The following PAPOLA variants were observed in gnomAD, a reference collection of about 807,000 sequenced individuals.
The protein encoded by PAPOLA is polynucleotide adenylyltransferase alpha.
In PAPOLA, 15 loss-of-function variants were observed where a neutral mutation model predicts 100.6. That is an observed-to-expected ratio of 0.15 (90% CI 0.10 to 0.23). The LOEUF (loss-of-function observed/expected upper bound fraction) is 0.23, where lower values mean the gene tolerates loss of function less well. PAPOLA is among the 10% of genes least tolerant of loss of function. The pLI is 1.00. For synonymous variants in PAPOLA, 293 were observed against 300.0 expected, an observed-to-expected ratio of 0.98 and a Z score of 0.24; for missense variants, 533 against 884.2, an observed-to-expected ratio of 0.60 and a Z score of 5.04.
Position 96,552,573 on chromosome 14 carries a change from A to C in PAPOLA, c.1615A>C (p.Thr539Pro). 6.2e-7 allele frequency: 1 copy of C among 1,614,100 alleles called. No individual in the cohort carries two copies. The highest frequency in any genetic ancestry group is 1.1e-5 in the South Asian group (1 of 91,082). ...SDNSMSVPSPTSATKTSPLNS... is the reference protein window; with the variant it reads ...SDNSMSVPSPPSATKTSPLNS... ...TAACAGCATGTCTGTGCCTTCACCT[A>C]CTAGTGCTACGAAGACCAGTCCATT... is the stretch of plus-strand genomic sequence containing the variant. The change falls in exon 17 of 22, where the codon ACT becomes CCT. Residue 539 changes from threonine to proline, a missense_variant. Thr to Pro is a conservative substitution (Grantham distance 38). Transcript: ENST00000216277.
chr14:96,565,910 C>G lies in PAPOLA; in HGVS notation c.*860C>G, dbSNP rs77502443. 1,134 of 398,516 alleles carry G rather than the reference C, an allele frequency of 2.8e-3. 20 individuals carry two copies. The East Asian group carries it at 0.037, about 13-fold the overall frequency. The allele number at this position is 398,516 out of a possible 1,614,324, so 24.7% of individuals were successfully genotyped here. ...TTTTGCTTGTATGCACAAGGTAGGA[C>G]TTACTTCGTAAGAAACAAAATGCCA... On this transcript the variant is annotated 3_prime_UTR_variant, in exon 22 of 22. Coordinates refer to ENST00000216277, the MANE Select transcript of PAPOLA (RefSeq NM_032632.5).
chr14:96,537,249 T>G (rs1899614319), intron 12 of PAPOLA, 189 bp downstream of exon 12: 3 of 562,484 alleles, frequency 5.3e-6, no homozygotes, highest in African/African-American at 3.8e-5. Context: ...GCCCCTTTGA[T>G]TTTTCTGCCC....
At chr14:96,528,544 A>G (rs1898697845) in intron 6 of PAPOLA, among the ~76,000 whole-genome samples, 3 of 152,348 alleles carry the variant, frequency 2.0e-5, no homozygotes, top group Admixed American at 6.5e-5. Context: ...GCTGTACAGA[A>G]TGGTACTGGA....
rs1326449221 is a variant in PAPOLA at position 96,533,391 on chromosome 14, A to G, written c.836+742A>G. ...GTTCTTTTCTAGTAATTTTATAAAAATTAGTTATTTGAGACAATTTAGAGC... is the reference window on the plus strand; with the variant it reads ...GTTCTTTTCTAGTAATTTTATAAAAGTTAGTTATTTGAGACAATTTAGAGC... On this transcript the variant is annotated intron_variant, in intron 9 of 21. Transcript: ENST00000216277. 4.1e-6 allele frequency: 4 copies of G among 982,582 alleles called. No homozygotes were observed. The East Asian group carries it at 4.5e-4, about 111-fold the overall frequency. The allele number at this position is 982,582 out of a possible 1,614,324, so 60.9% of individuals were successfully genotyped here. A position where few individuals can be genotyped will look rare whatever the true frequency, so the allele number is the denominator to read the frequency against.
chr14:96,502,700 G>C, intron 1 of PAPOLA, 100 bp downstream of exon 1: 1 of 1,327,146 alleles, frequency 7.5e-7, no homozygotes. Flanking sequence ...ACGCGAGCCC[G>C]ACCCTCCCCG....
Position 96,563,021 on chromosome 14 carries a change from C to G in PAPOLA, c.2142+128C>G, listed in dbSNP as rs528847262. The G allele has an allele frequency of 6.3e-4, 367 of 582,594 alleles. 1 individual carries two copies. The highest frequency in any genetic ancestry group is 9.9e-4 in the Non-Finnish European group (331 of 333,972). 36.1% of individuals were successfully genotyped at this position (582,594 alleles called of 1,614,324 possible). ...TTTCTGAAAGTAATTACTTGCTAGCCTATAAACGTATTTATTGTAGTTTTA... is the reference window on the plus strand; with the variant it reads ...TTTCTGAAAGTAATTACTTGCTAGCGTATAAACGTATTTATTGTAGTTTTA... On this transcript the variant is annotated intron_variant, in intron 21 of 21. Coordinates refer to ENST00000216277, the MANE Select transcript of PAPOLA (RefSeq NM_032632.5).
intron 9 of PAPOLA, chr14:96,533,134 G>A (rs937591062): frequency 5.1e-6 from 5 of 982,660 alleles, no homozygotes; most frequent in Admixed American, 6.2e-5. Context: ...TAAGTGCTTC[G>A]GGACAAAAAA....
chr14:96,561,583 A>G (rs1192250138), intron 20 of PAPOLA, among the ~76,000 whole-genome samples: 15 of 152,212 alleles, frequency 9.9e-5, no homozygotes, highest in Non-Finnish European at 1.3e-4. Context: ...ATTTCCATTT[A>G]AAAAAGAAAG....
chr14:96,511,223 C>T (rs574807421), intron 1 of PAPOLA, among the ~76,000 whole-genome samples: 54 of 152,164 alleles, frequency 3.5e-4, no homozygotes, highest in Non-Finnish European at 6.0e-4. Context: ...TGCCTAATAT[C>T]ACTAGGTGGG....
At chr14:96,517,625 T>A (rs1897573656) in intron 1 of PAPOLA, among the ~76,000 whole-genome samples, 1 of 152,142 alleles carries the variant, frequency 6.6e-6, no homozygotes, top group Admixed American at 6.5e-5. Flanking sequence ...ACATTTCATG[T>A]GTATATTTTA....
At chr14:96,547,774 G>A in intron 15 of PAPOLA, 23 bp from the exon 16 acceptor site, 2 of 1,555,258 alleles carry the variant, frequency 1.3e-6, no homozygotes, top group South Asian at 1.2e-5. Context: ...TCTATTTCTT[G>A]TAACAATTTC....
At chr14:96,526,788 A>T (rs1285841004) in intron 4 of PAPOLA, 2 of 152,544 alleles carry the variant, frequency 1.3e-5, no homozygotes, top group East Asian at 3.8e-4. Context: ...TCCTGTTCTA[A>T]TAAATAGCTT....
At chr14:96,533,116 A>G (rs1225404817) in intron 9 of PAPOLA, 28 of 981,750 alleles carry the variant, frequency 2.9e-5, no homozygotes, top group South Asian at 9.4e-5. Context: ...TAAAGAATAA[A>G]TTAACATTAA....
intron 2 of PAPOLA, 78 bp downstream of exon 2, chr14:96,520,306 A>G (rs977370486): frequency 1.8e-5 from 19 of 1,071,970 alleles, no homozygotes; most frequent in Non-Finnish European, 2.6e-5. Context: ...GGCATTCTCT[A>G]CTTACTTAGA....
chr14:96,519,095 C>CT (rs75219128), intron 1 of PAPOLA, among the ~76,000 whole-genome samples: 9,392 of 143,112 alleles, frequency 0.066, 265 homozygotes, highest in Admixed American at 0.067. Context: ...GTAAAATACA[C>CT]TTTTTTTTTT....
At chr14:96,504,176 C>CT (rs1896548479) in intron 1 of PAPOLA, 2 of 152,216 alleles carry the variant, frequency 1.3e-5, no homozygotes, top group South Asian at 4.1e-4. Context: ...ATTTTGCTGT[C>CT]TTTGAAAAGG....
At chr14:96,560,537 A>C in intron 19 of PAPOLA, 112 bp from the exon 20 acceptor site, 1 of 708,574 alleles carries the variant, frequency 1.4e-6, no homozygotes, top group South Asian at 1.7e-5. Flanking sequence ...GCTGTAGTTG[A>C]TCTTACAGGT....
At chr14:96,561,458 C>T (rs1342495487) in intron 20 of PAPOLA, among the ~76,000 whole-genome samples, 1 of 151,804 alleles carries the variant, frequency 6.6e-6, no homozygotes, top group African/African-American at 2.4e-5. Context: ...CTTTGTAAAC[C>T]AAGAAAAAAG....
intron 1 of PAPOLA, among the ~76,000 whole-genome samples, chr14:96,515,923 G>A (rs1315616118): frequency 6.6e-6 from 1 of 152,206 alleles, no homozygotes; most frequent in Non-Finnish European, 1.5e-5. Context: ...TTGCATTCTT[G>A]GGATTGGTAG....
Sources: gnomAD v4.1 joint callset for allele counts (sites outside exome capture counted in the v4.1 genomes callset) on GRCh38, gnomAD v4.1.1 for gene constraint, MANE v1.5 for transcripts, NCBI Gene and HGNC (gene_info 2026-07-23, HGNC 2026-07-21) for gene names.